FOXP2: variants seen among roughly 807,000 people sequenced by gnomAD.
The protein encoded by FOXP2 is forkhead box P2, also known as forkhead box protein P2.
A neutral mutation model predicts 115.8 loss-of-function variants in FOXP2; 12 were observed. The ratio of observed to expected loss-of-function variants is 0.10; its 90% CI spans 0.07 to 0.17. FOXP2 has a LOEUF of 0.17. Among genes scored for constraint, FOXP2 ranks in the 10% least tolerant of loss-of-function variants. The pLI, the probability that FOXP2 is intolerant of heterozygous loss-of-function variation, is 1.00. For missense variants in FOXP2, 629 were observed against 843.5 expected, an observed-to-expected ratio of 0.75 and a Z score of 3.15; for synonymous variants, 328 against 297.7, an observed-to-expected ratio of 1.10 and a Z score of -1.05.
rs933527512 is a variant in FOXP2, at chr7:114,256,625, A to G, written c.-101-31394A>G. Among the ~76,000 whole-genome samples, 8 of 152,318 alleles carry G rather than the reference A, an allele frequency of 5.3e-5. No homozygotes were observed. In the South Asian group the frequency reaches 1.2e-3, roughly 24 times the overall value. On this transcript the variant is annotated intron_variant, in intron 1 of 17. Coordinates refer to the FOXP2 transcript ENST00000634411. ...GGCCATTTTCAGATGGATAGTTTGC[A>G]AACATATTTTACCCATTCTGTGGGT...
chr7:114,561,131 C>T (rs1800738997), intron 3 of FOXP2: 1 of 152,154 alleles, frequency 6.6e-6, no homozygotes, highest in South Asian at 2.1e-4. Context: ...TTGGGCCGGT[C>T]CCACCAATTT....
At chr7:114,300,704 A>C (rs898682109) in intron 2 of FOXP2, among the ~76,000 whole-genome samples, 1 of 152,042 alleles carries the variant, frequency 6.6e-6, no homozygotes, top group African/African-American at 2.4e-5. Context: ...CTGTAAAGAC[A>C]ATGTTGTTGT....
chr7:114,653,405 AG>A, intron 9 of FOXP2: 2 of 166,360 alleles, frequency 1.2e-5, no homozygotes, highest in South Asian at 1.6e-4. Context: ...TCCGTGGCAG[AG>A]TTCAGCGTTT....
At chr7:114,134,339 C>T (rs570450717) in intron 1 of FOXP2, among the ~76,000 whole-genome samples, 1 of 152,188 alleles carries the variant, frequency 6.6e-6, no homozygotes. Flanking sequence ...CACAGTATCC[C>T]ACTGTTCTTA....
At chr7:114,109,893 T>A (rs959095642) in intron 1 of FOXP2, among the ~76,000 whole-genome samples, 2 of 152,114 alleles carry the variant, frequency 1.3e-5, no homozygotes, top group African/African-American at 4.8e-5. Flanking sequence ...ATTTGAGCAT[T>A]TGCTGTGGCA....
intron 3 of FOXP2, among the ~76,000 whole-genome samples, chr7:114,588,448 A>G (rs914748880): frequency 2.0e-5 from 3 of 152,352 alleles, no homozygotes; most frequent in Non-Finnish European, 4.4e-5. Flanking sequence ...CCCCAGAAGA[A>G]AACACCTTTT....
chr7:114,262,088 CTAGGGCAGGTGTATCTGA>C (rs1448328153), intron 1 of FOXP2, among the ~76,000 whole-genome samples: 1 of 151,640 alleles, frequency 6.6e-6, no homozygotes, highest in Non-Finnish European at 1.5e-5. Flanking sequence ...AAAAATGCAT[CTAGGGCAGGTGTATCTGA>C]TAGAACTTAC....
intron 2 of FOXP2, among the ~76,000 whole-genome samples, chr7:114,346,490 T>C (rs564107478): frequency 8.6e-5 from 13 of 151,998 alleles, no homozygotes; most frequent in Admixed American, 2.6e-4. Flanking sequence ...TGCTGTTTAT[T>C]GCAGTGTTAT....
chr7:114,325,785 A>G (rs1380832268), intron 2 of FOXP2, among the ~76,000 whole-genome samples: 1 of 152,022 alleles, frequency 6.6e-6, no homozygotes, highest in Non-Finnish European at 1.5e-5. Flanking sequence ...TCTTTGATGT[A>G]CTTAGCAGCT....
intron 1 of FOXP2, among the ~76,000 whole-genome samples, chr7:114,117,820 G>A (rs980519814): frequency 3.3e-5 from 5 of 152,120 alleles, no homozygotes; most frequent in Non-Finnish European, 7.4e-5. Context: ...CAGAGTGCCA[G>A]CATGATTGAG....
At chr7:114,300,016 A>T (rs1796839392) in intron 2 of FOXP2, among the ~76,000 whole-genome samples, 2 of 151,780 alleles carry the variant, frequency 1.3e-5, no homozygotes, top group Non-Finnish European at 1.5e-5. Context: ...TTCTTCCAGC[A>T]GCTACCCTTA....
intron 1 of FOXP2, among the ~76,000 whole-genome samples, chr7:114,154,600 A>C (rs1223331365): frequency 6.6e-6 from 1 of 152,150 alleles, no homozygotes; most frequent in African/African-American, 2.4e-5. Context: ...TGTGAACTTC[A>C]AAGTGTTATA....
intron 2 of FOXP2, among the ~76,000 whole-genome samples, chr7:114,330,403 C>CA (rs36021651): frequency 0.019 from 2,812 of 150,838 alleles, 91 homozygotes; most frequent in African/African-American, 0.065. Context: ...GTGGCTGAAG[C>CA]AGGAGGATCC....
At chr7:114,662,468 T>TAG (rs143165509) in intron 14 of FOXP2, among the ~76,000 whole-genome samples, 9 of 151,806 alleles carry the variant, frequency 5.9e-5, no homozygotes, top group African/African-American at 9.7e-5. Flanking sequence ...ACATGCTTTC[T>TAG]AGAGAGAGAG....
At chr7:114,620,952 T>G (rs1804218374) in intron 3 of FOXP2, among the ~76,000 whole-genome samples, 1 of 152,040 alleles carries the variant, frequency 6.6e-6, no homozygotes, top group Admixed American at 6.6e-5. Context: ...TACATTATTT[T>G]GAGGATAAAT....
chr7:114,184,099 G>A (rs1793531544), intron 1 of FOXP2, among the ~76,000 whole-genome samples: 1 of 152,148 alleles, frequency 6.6e-6, no homozygotes, highest in South Asian at 2.1e-4. Context: ...GGCTAATTTA[G>A]AAGAATCCCT....
rs1227843156 is a variant in FOXP2 at position 114,342,773 on chromosome 7, T to A, written c.-11+54664T>A. Among the ~76,000 whole-genome samples the A allele has an allele frequency of 2.0e-5, 3 of 151,644 alleles. No individual in the cohort carries two copies. In the East Asian group the frequency reaches 5.8e-4, roughly 29 times the overall value. ...CCTCTATGCCAATATTGAAAATAAA[T>A]TTTAGGGAGGTTAAAAAAGGGTTTC... is the stretch of plus-strand genomic sequence containing the variant. On this transcript the variant is annotated intron_variant, in intron 2 of 17. Coordinates refer to the FOXP2 transcript ENST00000634411.
chr7:114,427,440 C>A (rs537232686), intron 2 of FOXP2, among the ~76,000 whole-genome samples: 54 of 150,966 alleles, frequency 3.6e-4, no homozygotes, highest in Admixed American at 1.1e-3. Context: ...ATAGCCACTT[C>A]ATTCTTCACT....
chr7:114,648,273 C>A (rs1211759272), intron 8 of FOXP2, among the ~76,000 whole-genome samples: 2 of 151,996 alleles, frequency 1.3e-5, no homozygotes, highest in African/African-American at 4.8e-5. Flanking sequence ...CAGTGCCCCC[C>A]CATCTCTGAA....
Sources: gnomAD v4.1 joint callset for allele counts (sites outside exome capture counted in the v4.1 genomes callset) on GRCh38, gnomAD v4.1.1 for gene constraint, MANE v1.5 for transcripts, NCBI Gene and HGNC (gene_info 2026-07-23, HGNC 2026-07-21) for gene names.